PLG: variants seen among roughly 807,000 people sequenced by gnomAD.
The protein encoded by PLG is plasmin.
A neutral mutation model predicts 104.4 loss-of-function variants in PLG; 41 were observed. The observed-to-expected ratio is 0.39, with a 90% CI of 0.31 to 0.51. The LOEUF (loss-of-function observed/expected upper bound fraction) is 0.51. PLG is among the 20% of genes least tolerant of loss of function. The pLI is 0.76. For synonymous variants in PLG, 337 were observed against 357.1 expected, an observed-to-expected ratio of 0.94 and a Z score of 0.63; for missense variants, 891 against 1,003.6, an observed-to-expected ratio of 0.89 and a Z score of 1.52.
At position 160,735,873 on chromosome 6, in the gene PLG, C is replaced by T. The variant is rs974719843; in HGVS notation, c.1682-1014C>T. Among the ~76,000 whole-genome samples, 1 of 152,114 alleles carries T rather than the reference C, an allele frequency of 6.6e-6. No homozygotes were observed. The highest frequency in any genetic ancestry group is 1.5e-5 in the Non-Finnish European group (1 of 68,026). On this transcript the variant is annotated intron_variant, in intron 13 of 18. Transcript: ENST00000308192. This position sits in a 1 kb window ranked among gnomAD's most constrained non-coding sequence, Gnocchi z 5.4. ...AGCTCAGCACTAGAGAAGATGATTGCATTCTATGCCTTGCTTCTTTTTTTA... is the reference window on the plus strand; with the variant it reads ...AGCTCAGCACTAGAGAAGATGATTGTATTCTATGCCTTGCTTCTTTTTTTA...
At chr6:160,727,082 A>T (rs1777932143) in intron 10 of PLG, among the ~76,000 whole-genome samples, 1 of 152,004 alleles carries the variant, frequency 6.6e-6, no homozygotes, top group Non-Finnish European at 1.5e-5. Context: ...TCAGGAGTAA[A>T]AAAAGGGAAG....
intron 9 of PLG, 71 bp downstream of exon 9, chr6:160,718,909 C>T: frequency 7.1e-6 from 9 of 1,276,322 alleles, no homozygotes; most frequent in Non-Finnish European, 1.0e-5. Flanking sequence ...GTGGCATCAT[C>T]ACAATATACA....
In PLG at chr6:160,739,025, G is replaced by T; in HGVS notation, c.1878-43G>T. ...TTCATGGCACAGAGGTTACCTGAAG[G>T]GGCTGGACCATATTTTCCTCTTGAC... On this transcript the variant is annotated intron_variant, in intron 15 of 18. Transcript: ENST00000308192. This position sits in a 1 kb window ranked among gnomAD's most constrained non-coding sequence, Gnocchi z 4.4. 1 of 1,612,708 alleles carries T rather than the reference G, an allele frequency of 6.2e-7. No individual in the cohort carries two copies. Among genetic ancestry groups the T allele is most frequent in the Non-Finnish European group, 8.5e-7 (1 of 1,178,892 alleles).
rs770377960 is a variant in PLG, at chr6:160,716,603, T to A, written c.669-42T>A. 3.5e-5 allele frequency: 39 copies of A among 1,120,172 alleles called. No individual in the cohort carries two copies. In the Admixed American group the frequency reaches 6.4e-4, roughly 18 times the overall value. 69.4% of individuals were successfully genotyped at this position (1,120,172 alleles called of 1,614,324 possible). A position where few individuals can be genotyped will look rare whatever the true frequency, so the allele number is the denominator to read the frequency against. On this transcript the variant is annotated intron_variant, in intron 6 of 18. Coordinates refer to ENST00000308192, the MANE Select transcript of PLG (RefSeq NM_000301.5). The stretch of plus-strand genomic sequence containing the variant: ...CTTGAAAAAGAGTCTTATCCATGAA[T>A]GTAAATGTTCAGTGCTACTAAAATC...
rs930444597 is a variant in PLG, at chr6:160,740,043, C to T, written c.2018+835C>T. 2.0e-5 allele frequency among the ~76,000 whole-genome samples: 3 copies of T among 152,112 alleles called. No individual in the cohort carries two copies. Among genetic ancestry groups the T allele is most frequent in the East Asian group, 1.9e-4 (1 of 5,172 alleles). On this transcript the variant is annotated intron_variant, in intron 16 of 18. Transcript: ENST00000308192. The surrounding 1 kb of genome is among the most constrained non-coding windows in gnomAD (Gnocchi z 5.2). ...CAGGTTTGGGACAGGTGACAAGGCA[C>T]GCAGGGCGCTCGCTGTGCTGGTGGT...
intron 3 of PLG, among the ~76,000 whole-genome samples, chr6:160,710,265 C>CA (rs1408365096): frequency 1.3e-5 from 2 of 152,138 alleles, no homozygotes; most frequent in Non-Finnish European, 2.9e-5. Flanking sequence ...AAAAACCAAA[C>CA]AAAAAAGAGC....
intron 17 of PLG, among the ~76,000 whole-genome samples, chr6:160,751,411 C>T (rs184416132): frequency 2.4e-4 from 36 of 152,184 alleles, no homozygotes; most frequent in African/African-American, 6.0e-4. Context: ...AGGACTATTG[C>T]GAGGATTAAG....
chr6:160,733,195 A>G (rs1385731453), intron 12 of PLG, among the ~76,000 whole-genome samples: 2 of 152,200 alleles, frequency 1.3e-5, no homozygotes, highest in Non-Finnish European at 2.9e-5. Context: ...ACAGTGTCAT[A>G]TGAAGGGGAG....
chr6:160,707,339 G>A (rs532871882), intron 2 of PLG, among the ~76,000 whole-genome samples: 10 of 152,266 alleles, frequency 6.6e-5, no homozygotes, highest in Admixed American at 2.0e-4. Context: ...GATCAGAGTT[G>A]GGAGGTCATG....
intron 17 of PLG, among the ~76,000 whole-genome samples, chr6:160,749,719 C>T (rs554896609): frequency 6.6e-6 from 1 of 151,772 alleles, no homozygotes; most frequent in East Asian, 1.9e-4. Context: ...ATGATTACCA[C>T]CACCATTAGC....
chr6:160,743,907 T>C (rs1778236175), intron 17 of PLG, among the ~76,000 whole-genome samples: 1 of 152,228 alleles, frequency 6.6e-6, no homozygotes, highest in South Asian at 2.1e-4. Flanking sequence ...TCTGCATCTA[T>C]TGAGATAATC....
chr6:160,709,663 C>A (rs557016164), intron 3 of PLG, among the ~76,000 whole-genome samples: 32 of 152,294 alleles, frequency 2.1e-4, no homozygotes, highest in African/African-American at 7.5e-4. Context: ...ATGTCCTTTG[C>A]AAATCTTCCT....
rs1170537053 is a variant in PLG at position 160,723,861 on chromosome 6, T to C, written c.1256+1294T>C. Among the ~76,000 whole-genome samples, 2 of 152,104 alleles carry C rather than the reference T, an allele frequency of 1.3e-5. No homozygotes were observed. The highest frequency in any genetic ancestry group is 2.9e-5 in the Non-Finnish European group (2 of 68,024). ...GCTGAACATCTTGGGCATTCAGTAG[T>C]CACCACATAAAGCCAAACTTTGGGA... On this transcript the variant is annotated intron_variant, in intron 10 of 18. Coordinates refer to ENST00000308192, the MANE Select transcript of PLG (RefSeq NM_000301.5). This position sits in a 1 kb window ranked among gnomAD's most constrained non-coding sequence, Gnocchi z 4.7.
chr6:160,752,295 T>C lies in PLG; in HGVS notation c.2271+35T>C. On this transcript the variant is annotated intron_variant, in intron 18 of 18. Coordinates refer to ENST00000308192, the MANE Select transcript of PLG (RefSeq NM_000301.5). This position sits in a 1 kb window ranked among gnomAD's most constrained non-coding sequence, Gnocchi z 4.7. ...GATCAAGAGACCAAAGTTAGTCTTG[T>C]GCTCTCTTGTCTCAGTCTCAGCCCC... 1 of 1,602,204 alleles carries C rather than the reference T, an allele frequency of 6.2e-7. No homozygotes were observed. The highest frequency in any genetic ancestry group is 8.6e-7 in the Non-Finnish European group (1 of 1,169,260).
intron 17 of PLG, among the ~76,000 whole-genome samples, chr6:160,748,402 A>AAAGAAAGAAAGAAAGAG (rs1778326389): frequency 5.4e-5 from 1 of 18,674 alleles, no homozygotes; most frequent in Non-Finnish European, 1.2e-4. Flanking sequence ...GAAAGAAAGG[A>AAAGAAAGAAAGAAAGAG]AGAAAGAAAG....
intron 1 of PLG, chr6:160,705,934 T>C (rs576336832): frequency 5.7e-6 from 1 of 174,114 alleles, no homozygotes; most frequent in East Asian, 1.6e-4. Context: ...TAGTAGTGGT[T>C]CCATAGTTCT....
chr6:160,736,999 T>G lies in PLG; in HGVS notation c.1794T>G (p.Leu598=), dbSNP rs1392194227. The G allele has an allele frequency of 6.2e-7, 1 of 1,613,056 alleles. No individual in the cohort carries two copies. The highest frequency in any genetic ancestry group is 2.2e-5 in the East Asian group (1 of 44,860). ...ATTCCTGGCCCTGGCAAGTCAGTCTTAGAACAAGGTAAGAACAGGCCCAGA... is the reference window on the plus strand; with the variant it reads ...ATTCCTGGCCCTGGCAAGTCAGTCTGAGAACAAGGTAAGAACAGGCCCAGA... ...HPHSWPWQVS[L]RTRFGMHFCG... Residue 598 remains leucine, a synonymous_variant, in exon 14 of 19, where the codon CTT becomes CTG. Transcript: ENST00000308192. The surrounding 1 kb of genome is among the most constrained non-coding windows in gnomAD (Gnocchi z 5.2).
chr6:160,752,059 T>G lies in PLG; in HGVS notation c.2126-56T>G, dbSNP rs1778410544. On this transcript the variant is annotated intron_variant, in intron 17 of 18. Transcript: ENST00000308192. The surrounding 1 kb of genome is among the most constrained non-coding windows in gnomAD (Gnocchi z 4.7). Reference sequence around the variant, plus strand: ...AGTGCCGCTGCTCTGTTCTGGAATATCCTCCTGAATGTGTTTTGGGTGCAG... The same window carrying G: ...AGTGCCGCTGCTCTGTTCTGGAATAGCCTCCTGAATGTGTTTTGGGTGCAG... The G allele has an allele frequency of 6.6e-7, 1 of 1,519,124 alleles. No individual in the cohort carries two copies. The highest frequency in any genetic ancestry group is 1.7e-5 in the Admixed American group (1 of 59,888). The allele number at this position is 1,519,124 out of a possible 1,614,324, so 94.1% of individuals were successfully genotyped here.
At chr6:160,751,745 T>A (rs1195086754) in intron 17 of PLG, among the ~76,000 whole-genome samples, 1 of 152,206 alleles carries the variant, frequency 6.6e-6, no homozygotes, top group East Asian at 1.9e-4. Context: ...AAATTTTGTG[T>A]TATGATGTAA....
Sources: gnomAD v4.1 joint callset for allele counts (sites outside exome capture counted in the v4.1 genomes callset) on GRCh38, gnomAD v4.1.1 for gene constraint, Gnocchi (gnomAD v3.1) non-coding constraint, MANE v1.5 for transcripts, NCBI Gene and HGNC (gene_info 2026-07-23, HGNC 2026-07-21) for gene names.